DHRS4: variants seen among roughly 807,000 people sequenced by gnomAD.
The protein encoded by DHRS4 is dehydrogenase/reductase SDR family member 4.
Under a neutral mutation model 28.4 loss-of-function variants are expected in DHRS4, and 20 were observed. The ratio of observed to expected loss-of-function variants is 0.71; its 90% CI spans 0.50 to 1.02. The LOEUF is 1.02. DHRS4 is among the 50% of genes least tolerant of loss of function. The pLI, the probability that DHRS4 is intolerant of heterozygous loss-of-function variation, is 0.00. For missense variants in DHRS4, 378 were observed against 367.2 expected, an observed-to-expected ratio of 1.03 and a Z score of -0.24; for synonymous variants, 144 against 146.4, an observed-to-expected ratio of 0.98 and a Z score of 0.12.
chr14:23,954,855 G>A (rs1429676683), intron 1 of DHRS4, among the ~76,000 whole-genome samples, 180 bp from the exon 2 acceptor site: 1 of 152,228 alleles, frequency 6.6e-6, no homozygotes, highest in African/African-American at 2.4e-5. Flanking sequence ...ATAAAAACAA[G>A]TAAAGGAATG....
Position 23,968,744 on chromosome 14 carries a change from C to T in DHRS4, c.723-13C>T. ...TGATTTTTACCTCCTTCCTTGCTTC[C>T]CTTATTCCCCAGGTTAGGCGAGCCA... On this transcript the variant is annotated splice_polypyrimidine_tract_variant and intron_variant, in intron 7 of 7. Transcript: ENST00000313250. 1 of 1,605,026 alleles carries T rather than the reference C, an allele frequency of 6.2e-7. No individual in the cohort carries two copies. The highest frequency in any genetic ancestry group is 8.5e-7 in the Non-Finnish European group (1 of 1,176,192).
In DHRS4 at chr14:23,959,999, A is replaced by T; in HGVS notation, c.404A>T (p.Asp135Val). The change falls in exon 3 of 8, where the codon GAC becomes GTC. Residue 135 changes from aspartate to valine, a missense_variant. Asp to Val is a radical substitution (Grantham distance 152). Coordinates refer to ENST00000313250, the MANE Select transcript of DHRS4 (RefSeq NM_021004.4). ...SIMDVTEEVW[D>V]KTLDINVKAP... ...ATGGATGTCACTGAGGAGGTGTGGG[A>T]CAAGGTGAGAGGGGATTAAAGCAGG... 1 of 1,606,062 alleles carries T rather than the reference A, an allele frequency of 6.2e-7. No homozygotes were observed. Among genetic ancestry groups the T allele is most frequent in the South Asian group, 1.1e-5 (1 of 91,044 alleles).
intron 2 of DHRS4, among the ~76,000 whole-genome samples, chr14:23,958,927 A>T (rs1232405721): frequency 6.6e-6 from 1 of 152,184 alleles, no homozygotes; most frequent in African/African-American, 2.4e-5. Flanking sequence ...AAATTCTCTG[A>T]ACCTATTTCA....
chr14:23,954,824 G>A (rs527714467), intron 1 of DHRS4, among the ~76,000 whole-genome samples: 2 of 152,352 alleles, frequency 1.3e-5, no homozygotes, highest in South Asian at 2.1e-4. Flanking sequence ...CTTGGGAACT[G>A]AGGCTGTGGT....
rs770538190 is a variant in DHRS4 at position 23,967,204 on chromosome 14, C to A, written c.667-7C>A. ...AAAACATAAAGAGATTTCCCTTCTT[C>A]CTGCAGCTCTGGATGGACAAGGAAA... On this transcript the variant is annotated splice_region_variant and splice_polypyrimidine_tract_variant and intron_variant, in intron 6 of 7. Transcript: ENST00000313250. 1.2e-6 allele frequency: 2 copies of A among 1,610,310 alleles called. No homozygotes were observed. The highest frequency in any genetic ancestry group is 1.7e-6 in the Non-Finnish European group (2 of 1,178,854).
At position 23,966,383 on chromosome 14, in the gene DHRS4, C is replaced by A. The variant is rs780048095; in HGVS notation, c.632C>A (p.Ala211Glu). The change falls in exon 6 of 8, where the codon GCA becomes GAA. Residue 211 changes from alanine (A) to glutamate (E), a missense_variant. By Grantham distance (107) the Ala-to-Glu change is moderately radical (BLOSUM62 -1). Coordinates refer to ENST00000313250, the MANE Select transcript of DHRS4 (RefSeq NM_021004.4). ...APRNIRVNCL[A>E]PGLIKTSFSR... ...AGGAACATTAGGGTGAACTGCCTAGCACCTGGACTTATCAAGACTAGCTTC... is the reference window on the plus strand; with the variant it reads ...AGGAACATTAGGGTGAACTGCCTAGAACCTGGACTTATCAAGACTAGCTTC... The A allele has an allele frequency of 3.1e-6, 5 of 1,614,028 alleles. No individual in the cohort carries two copies. The highest frequency in any genetic ancestry group is 4.2e-6 in the Non-Finnish European group (5 of 1,180,022).
At chr14:23,956,172 T>A (rs2033135398) in intron 2 of DHRS4, among the ~76,000 whole-genome samples, 1 of 152,114 alleles carries the variant, frequency 6.6e-6, no homozygotes, top group African/African-American at 2.4e-5. Flanking sequence ...TCCAAGAAAG[T>A]CACAAATGTG....
At position 23,968,746 on chromosome 14, in the gene DHRS4, T is replaced by G. The variant is rs1229860477; in HGVS notation, c.723-11T>G. Reference sequence around the variant, plus strand: ...ATTTTTACCTCCTTCCTTGCTTCCCTTATTCCCCAGGTTAGGCGAGCCAGA... The same window carrying G: ...ATTTTTACCTCCTTCCTTGCTTCCCGTATTCCCCAGGTTAGGCGAGCCAGA... On this transcript the variant is annotated splice_polypyrimidine_tract_variant and intron_variant, in intron 7 of 7. Transcript: ENST00000313250. 1 of 1,605,184 alleles carries G rather than the reference T, an allele frequency of 6.2e-7. No homozygotes were observed. The highest frequency in any genetic ancestry group is 1.7e-5 in the Admixed American group (1 of 59,060).
intron 3 of DHRS4, among the ~76,000 whole-genome samples, chr14:23,961,678 C>T (rs2033421407): frequency 9.8e-6 from 1 of 102,378 alleles, no homozygotes; most frequent in South Asian, 3.3e-4. Context: ...GCCATCATGC[C>T]TGGCTAATTT....
At chr14:23,967,094 C>A in intron 6 of DHRS4, 117 bp from the exon 7 acceptor site, 1 of 1,200,686 alleles carries the variant, frequency 8.3e-7, no homozygotes, top group Non-Finnish European at 1.2e-6. Context: ...GCGGAGTTTG[C>A]AGTGAGCCAA....
Position 23,966,002 on chromosome 14 carries a change from A to G in DHRS4, c.531+19A>G. Reference sequence around the variant, plus strand: ...ATCTCCTGTAAGAACCCTTTTGTCTACCTCTTCCATCCCACCCTCCACTCC... The same window carrying G: ...ATCTCCTGTAAGAACCCTTTTGTCTGCCTCTTCCATCCCACCCTCCACTCC... On this transcript the variant is annotated intron_variant, in intron 5 of 7. Transcript: ENST00000313250. 6.2e-7 allele frequency: 1 copy of G among 1,609,456 alleles called. No individual in the cohort carries two copies. The highest frequency in any genetic ancestry group is 1.7e-5 in the Admixed American group (1 of 59,842).
At chr14:23,959,618 G>C (rs796544587) in intron 2 of DHRS4, among the ~76,000 whole-genome samples, 1 of 151,860 alleles carries the variant, frequency 6.6e-6, no homozygotes, top group Non-Finnish European at 1.5e-5. Flanking sequence ...TTTCAAAAAA[G>C]ATGTTTTAAG....
chr14:23,954,864 T>C (rs2033036958), intron 1 of DHRS4, among the ~76,000 whole-genome samples, 171 bp from the exon 2 acceptor site: 1 of 152,182 alleles, frequency 6.6e-6, no homozygotes, highest in Non-Finnish European at 1.5e-5. Flanking sequence ...AGTAAAGGAA[T>C]GCCAAAAATG....
At chr14:23,964,905 A>T (rs1467283790) in intron 3 of DHRS4, among the ~76,000 whole-genome samples, 1 of 149,314 alleles carries the variant, frequency 6.7e-6, no homozygotes, top group Non-Finnish European at 1.5e-5. Flanking sequence ...TTTAATTTAC[A>T]TTTTTTTATT....
chr14:23,955,124 T>C lies in DHRS4; in HGVS notation c.218T>C (p.Val73Ala), dbSNP rs150588702. ...SRKQQNVDQAVATLQGEGLSV... is the reference protein window; with the variant it reads ...SRKQQNVDQAAATLQGEGLSV... Reference sequence around the variant, plus strand: ...AAGCAGCAGAATGTGGACCAGGCGGTGGCCACGCTGCAGGGGGAGGGGCTG... The same window carrying C: ...AAGCAGCAGAATGTGGACCAGGCGGCGGCCACGCTGCAGGGGGAGGGGCTG... The change falls in exon 2 of 8, where the codon GTG becomes GCG. Residue 73 changes from valine (V) to alanine (A), a missense_variant. Transcript: ENST00000313250. 283 of 1,613,850 alleles carry C rather than the reference T, an allele frequency of 1.8e-4. No individual in the cohort carries two copies. The highest frequency in any genetic ancestry group is 1.7e-4 in the Non-Finnish European group (203 of 1,179,912).
At chr14:23,957,426 C>G (rs1020694943) in intron 2 of DHRS4, among the ~76,000 whole-genome samples, 2 of 151,924 alleles carry the variant, frequency 1.3e-5, no homozygotes, top group African/African-American at 4.8e-5. Flanking sequence ...AAGTGGAAAC[C>G]AGAGTAGCTG....
rs879428780 is a variant in DHRS4, at chr14:23,957,557, CT to C, written c.307-2331del. Reference sequence around the variant, plus strand: ...TTAGAATAAGACTTAGAAGACTTTCCTTTTTTTTTTTTTTCCAGAGACAGGG... The same window carrying C: ...TTAGAATAAGACTTAGAAGACTTTCCTTTTTTTTTTTTTCCAGAGACAGGG... On this transcript the variant is annotated intron_variant, in intron 2 of 7. Transcript: ENST00000313250. 1.2e-3 allele frequency among the ~76,000 whole-genome samples: 121 copies of C among 99,990 alleles called. 1 individual carries two copies. Among genetic ancestry groups the C allele is most frequent in the East Asian group, 1.1e-3 (5 of 4,678 alleles). 65.6% of individuals were successfully genotyped at this position (99,990 alleles called of 152,430 possible). A position where few individuals can be genotyped will look rare whatever the true frequency, so the allele number is the denominator to read the frequency against.
At chr14:23,956,205 G>A (rs1254016094) in intron 2 of DHRS4, among the ~76,000 whole-genome samples, 15 of 152,356 alleles carry the variant, frequency 9.8e-5, no homozygotes, top group Non-Finnish European at 1.8e-4. Context: ...CTTGGCTTAG[G>A]CTGATGGACA....
intron 3 of DHRS4, among the ~76,000 whole-genome samples, chr14:23,962,848 T>C (rs1176018496): frequency 6.7e-6 from 1 of 149,564 alleles, no homozygotes; most frequent in Non-Finnish European, 1.5e-5. Context: ...TTACAAAATG[T>C]ATTTCTTAAA....
Sources: gnomAD v4.1 joint callset for allele counts (sites outside exome capture counted in the v4.1 genomes callset) on GRCh38, gnomAD v4.1.1 for gene constraint, MANE v1.5 for transcripts, NCBI Gene and HGNC (gene_info 2026-07-23, HGNC 2026-07-21) for gene names.